Variants in WEE1 observed in about 807,000 individuals in gnomAD.
The protein encoded by WEE1 is wee1-like protein kinase.
WEE1 carries 16 observed loss-of-function variants against 68.8 expected under a neutral mutation model. The observed-to-expected ratio is 0.23, with a 90% CI of 0.16 to 0.35. WEE1 has a LOEUF of 0.35. Ranked by LOEUF, WEE1 falls within the 10% of genes least tolerant of loss-of-function variation. The pLI is 1.00. For missense variants in WEE1, 651 were observed against 824.1 expected (o/e 0.79, Z 2.57); for synonymous variants, 349 against 318.7 (o/e 1.09, Z -1.01).
At chr11:9,584,924 A>G (rs889101842) in intron 6 of WEE1, among the ~76,000 whole-genome samples, 4 of 152,176 alleles carry the variant, frequency 2.6e-5, no homozygotes, top group Admixed American at 6.5e-5. Flanking sequence ...AAAATATAAA[A>G]GTTAGCTAGA....
In WEE1 at chr11:9,576,299, T is replaced by A. The variant is rs953782615; in HGVS notation, c.846+6T>A. ...ATGAAACAAGACCTGCTAAGGTAAA[T>A]AGCTTTTTATTTTTATTTTTTTGAA... On this transcript the variant is annotated splice_donor_region_variant and intron_variant, in intron 3 of 10. Coordinates refer to ENST00000450114, the MANE Select transcript of WEE1 (RefSeq NM_003390.4). The surrounding 1 kb of genome is among the most constrained non-coding windows in gnomAD (Gnocchi z 4.3). 5.2e-6 allele frequency: 8 copies of A among 1,525,408 alleles called. No homozygotes were observed. In the Admixed American group the frequency reaches 1.4e-4, roughly 27 times the overall value. 94.5% of individuals were successfully genotyped at this position (1,525,408 alleles called of 1,614,324 possible).
intron 5 of WEE1, chr11:9,581,292 G>A (rs980468134): frequency 7.4e-6 from 3 of 406,042 alleles, no homozygotes; most frequent in African/African-American, 2.1e-5. Flanking sequence ...AAAGAAACAG[G>A]TGGATTGCTG....
At position 9,588,684 on chromosome 11, in the gene WEE1, T is replaced by G; in HGVS notation, c.*82T>G. On this transcript the variant is annotated 3_prime_UTR_variant, in exon 11 of 11. Coordinates refer to ENST00000450114, the MANE Select transcript of WEE1 (RefSeq NM_003390.4). ...TCACTGATAGAATCCAGTTTGCAAT[T>G]ACTTTCTCGATTGGTGTCAGTAGTT... is the stretch of plus-strand genomic sequence containing the variant. 7.1e-7 allele frequency: 1 copy of G among 1,404,650 alleles called. No individual in the cohort carries two copies. The highest frequency in any genetic ancestry group is 9.3e-7 in the Non-Finnish European group (1 of 1,078,734). 87.0% of individuals were successfully genotyped at this position (1,404,650 alleles called of 1,614,324 possible). A position where few individuals can be genotyped will look rare whatever the true frequency, so the allele number is the denominator to read the frequency against.
In WEE1 at chr11:9,575,325, T is replaced by A. The variant is rs559904526; in HGVS notation, c.577-563T>A. 4 of 988,988 alleles carry A rather than the reference T, an allele frequency of 4.0e-6. No individual in the cohort carries two copies. In the East Asian group the frequency reaches 4.5e-4, roughly 111 times the overall value. The allele number at this position is 988,988 out of a possible 1,614,324, so 61.3% of individuals were successfully genotyped here. On this transcript the variant is annotated intron_variant, in intron 1 of 10. Coordinates refer to ENST00000450114, the MANE Select transcript of WEE1 (RefSeq NM_003390.4). ...TTTTAAAGCTGATACTTCCAGAGAT[T>A]AAGACAAGCCTCGCATTTGTAAGGT...
chr11:9,585,416 C>CA (rs779239560), intron 7 of WEE1, 26 bp from the exon 8 acceptor site: 3 of 1,607,722 alleles, frequency 1.9e-6, no homozygotes. Context: ...TTTTGCTCTT[C>CA]ACTGTAAGTT....
rs149282089 is a variant in WEE1 at position 9,588,713 on chromosome 11, C to G, written c.*111C>G. 4.1e-4 allele frequency: 562 copies of G among 1,381,420 alleles called. 4 individuals carry two copies. The highest frequency in any genetic ancestry group is 3.2e-3 in the African/African-American group (220 of 68,288). The allele number at this position is 1,381,420 out of a possible 1,614,324, so 85.6% of individuals were successfully genotyped here. ...TTCTCGATTGGTGTCAGTAGTTTTACTGATTAGGACTTTTATTGTGAATTA... is the reference window on the plus strand; with the variant it reads ...TTCTCGATTGGTGTCAGTAGTTTTAGTGATTAGGACTTTTATTGTGAATTA... On this transcript the variant is annotated 3_prime_UTR_variant, in exon 11 of 11. Transcript: ENST00000450114.
chr11:9,583,329 A>AT (rs2134351254), intron 6 of WEE1, among the ~76,000 whole-genome samples: 1 of 149,554 alleles, frequency 6.7e-6, no homozygotes, highest in African/African-American at 2.5e-5. Context: ...AGAAAAAAAA[A>AT]ATTCGCCGGG....
intron 6 of WEE1, among the ~76,000 whole-genome samples, chr11:9,583,823 AT>A: frequency 2.6e-5 from 1 of 38,376 alleles, no homozygotes; most frequent in Admixed American, 2.1e-4. Flanking sequence ...ATATATATAT[AT>A]ATATATATAT....
At chr11:9,586,162 G>T (rs1026000070) in intron 8 of WEE1, among the ~76,000 whole-genome samples, 1 of 152,218 alleles carries the variant, frequency 6.6e-6, no homozygotes, top group African/African-American at 2.4e-5. Flanking sequence ...AATGCCTAGA[G>T]GTAGAGGGAT....
In WEE1 at chr11:9,589,101, T is replaced by A. The variant is rs1431011195; in HGVS notation, c.*499T>A. The A allele has an allele frequency of 1.0e-6, 1 of 985,740 alleles. No individual in the cohort carries two copies. The highest frequency in any genetic ancestry group is 1.2e-6 in the Non-Finnish European group (1 of 829,952). The allele number at this position is 985,740 out of a possible 1,614,324, so 61.1% of individuals were successfully genotyped here. ...CTGGGAGCACTTTGTAGGCATTGCA[T>A]GAACCATGGGATGATGATTCTGTGG... On this transcript the variant is annotated 3_prime_UTR_variant, in exon 11 of 11. Coordinates refer to ENST00000450114, the MANE Select transcript of WEE1 (RefSeq NM_003390.4).
intron 8 of WEE1, 37 bp downstream of exon 8, chr11:9,585,564 T>TTACAAAGCA: frequency 6.8e-7 from 1 of 1,476,382 alleles, no homozygotes; most frequent in Non-Finnish European, 9.1e-7. Flanking sequence ...GTTTGCTTTG[T>TTACAAAGCA]AACACTTAGC....
At position 9,576,208 on chromosome 11, in the gene WEE1, A is replaced by G; in HGVS notation, c.783-22A>G. Reference sequence around the variant, plus strand: ...GGATGTATCTGTCAGATATATTGATAGAAAAATAACATTTTTTTTAGTTCC... The same window carrying G: ...GGATGTATCTGTCAGATATATTGATGGAAAAATAACATTTTTTTTAGTTCC... On this transcript the variant is annotated intron_variant, in intron 2 of 10. Transcript: ENST00000450114. This position sits in a 1 kb window ranked among gnomAD's most constrained non-coding sequence, Gnocchi z 4.3. 6.4e-7 allele frequency: 1 copy of G among 1,554,094 alleles called. No individual in the cohort carries two copies. The highest frequency in any genetic ancestry group is 8.7e-7 in the Non-Finnish European group (1 of 1,143,222).
chr11:9,589,355 TGTA>T lies in WEE1; in HGVS notation c.*757_*759del. 2.0e-6 allele frequency: 2 copies of T among 985,294 alleles called. No homozygotes were observed. Among genetic ancestry groups the T allele is most frequent in the Non-Finnish European group, 2.4e-6 (2 of 829,864 alleles). The allele number at this position is 985,294 out of a possible 1,614,324, so 61.0% of individuals were successfully genotyped here. A position where few individuals can be genotyped will look rare whatever the true frequency, so the allele number is the denominator to read the frequency against. The stretch of plus-strand genomic sequence containing the variant: ...TCCCTCCTTTGGAATGCTGTATTAA[TGTA>T]GTATAATAATTACTGGTTTTGTAAC... On this transcript the variant is annotated 3_prime_UTR_variant, in exon 11 of 11. Coordinates refer to ENST00000450114, the MANE Select transcript of WEE1 (RefSeq NM_003390.4).
chr11:9,584,958 G>C (rs556397448), intron 6 of WEE1, among the ~76,000 whole-genome samples: 1 of 152,224 alleles, frequency 6.6e-6, no homozygotes, highest in South Asian at 2.1e-4. Context: ...TGTAGTCCCA[G>C]CTACTCAGGA....
chr11:9,583,655 CA>C (rs1287618507), intron 6 of WEE1, among the ~76,000 whole-genome samples: 1 of 146,326 alleles, frequency 6.8e-6, no homozygotes, highest in Admixed American at 6.9e-5. Flanking sequence ...AATACCATCA[CA>C]AAATAAGTTG....
At chr11:9,583,844 T>C (rs1421859725) in intron 6 of WEE1, among the ~76,000 whole-genome samples, 44 of 100,078 alleles carry the variant, frequency 4.4e-4, no homozygotes, top group Admixed American at 1.8e-3. Context: ...TATATATATA[T>C]ATACTTTTTT....
chr11:9,577,088 T>A (rs1849572754), intron 4 of WEE1, 54 bp from the exon 5 acceptor site: 3 of 1,556,544 alleles, frequency 1.9e-6, no homozygotes, highest in Non-Finnish European at 2.6e-6. Context: ...ATTAATTCAG[T>A]TTAAGCTTGA....
At chr11:9,575,718 C>T (rs1589976452) in intron 1 of WEE1, 170 bp from the exon 2 acceptor site, 7 of 624,638 alleles carry the variant, frequency 1.1e-5, no homozygotes, top group East Asian at 1.1e-4. Flanking sequence ...TATCCAGCTT[C>T]AGTCTTCCTA....
intron 6 of WEE1, among the ~76,000 whole-genome samples, chr11:9,583,800 CACAT>C (rs1475429392): frequency 3.5e-3 from 64 of 18,140 alleles, no homozygotes; most frequent in Admixed American, 5.1e-3. Flanking sequence ...CACACACACA[CACAT>C]ATATATATAT....
Sources: gnomAD v4.1 joint callset for allele counts (sites outside exome capture counted in the v4.1 genomes callset) on GRCh38, gnomAD v4.1.1 for gene constraint, Gnocchi (gnomAD v3.1) non-coding constraint, MANE v1.5 for transcripts, NCBI Gene and HGNC (gene_info 2026-07-23, HGNC 2026-07-21) for gene names.